FAM76B: variants seen among roughly 807,000 people sequenced by gnomAD.
FAM76B encodes the protein protein FAM76B.
Under a neutral mutation model 51.8 loss-of-function variants are expected in FAM76B, and 16 were observed. That is an observed-to-expected ratio of 0.31 (90% CI 0.21 to 0.47). The LOEUF is 0.47. Ranked by LOEUF, FAM76B falls within the 20% of genes least tolerant of loss-of-function variation. The pLI is 1.00. For missense variants in FAM76B, 342 were observed against 392.6 expected (o/e 0.87, Z 1.09); for synonymous variants, 166 against 129.5 (o/e 1.28, Z -1.91).
In FAM76B at chr11:95,789,775, G is replaced by A. The variant is rs117565813; in HGVS notation, c.-297C>T. On this transcript the variant is annotated 5_prime_UTR_variant, in exon 1 of 10. In the 5' UTR this introduces an upstream ATG that the reference lacks. Coordinates refer to ENST00000358780, the MANE Select transcript of FAM76B (RefSeq NM_144664.5). ...GGGGTTGCTGTTTAGCTGTGCGGCC[G>A]TGGATCCGCTTCCTTCTCGGCCTCC... The A allele has an allele frequency of 2.0e-5, 7 of 348,350 alleles. No homozygotes were observed. Among genetic ancestry groups the A allele is most frequent in the Non-Finnish European group, 3.6e-5 (7 of 193,508 alleles). The allele number at this position is 348,350 out of a possible 1,614,324, so 21.6% of individuals were successfully genotyped here.
rs1386992707 is a variant in FAM76B, at chr11:95,769,292, C to A, written c.*2269G>T. 6.6e-6 allele frequency: 1 copy of A among 152,132 alleles called. No homozygotes were observed. Among genetic ancestry groups the A allele is most frequent in the Non-Finnish European group, 1.5e-5 (1 of 67,798 alleles). 9.4% of individuals were successfully genotyped at this position (152,132 alleles called of 1,614,324 possible). On this transcript the variant is annotated 3_prime_UTR_variant, in exon 10 of 10. Coordinates refer to ENST00000358780, the MANE Select transcript of FAM76B (RefSeq NM_144664.5). ...TATTATGTCAAAACACTACAGAGAT[C>A]CAGGACTGGGACTGAATTACTAATT...
At chr11:95,787,871 T>C (rs558805003) in intron 2 of FAM76B, among the ~76,000 whole-genome samples, 193 bp from the exon 3 acceptor site, 11 of 152,334 alleles carry the variant, frequency 7.2e-5, no homozygotes, top group Middle Eastern at 3.4e-3. Flanking sequence ...TTTTATACAT[T>C]TTTATTGCAT....
At chr11:95,775,600 G>T (rs779239894) in intron 9 of FAM76B, among the ~76,000 whole-genome samples, 1 of 151,110 alleles carries the variant, frequency 6.6e-6, no homozygotes, top group African/African-American at 2.4e-5. Context: ...TTTCACCTTA[G>T]TTTCATTAAT....
At position 95,781,991 on chromosome 11, in the gene FAM76B, A is replaced by G. The variant is rs1033683245; in HGVS notation, c.563+1074T>C. ...TGAGGTGGGCATCAGTTGTTTGTAAATTCTGTTTTAAATAACTATCTGAAA... is the reference window on the plus strand; with the variant it reads ...TGAGGTGGGCATCAGTTGTTTGTAAGTTCTGTTTTAAATAACTATCTGAAA... On this transcript the variant is annotated intron_variant, in intron 5 of 9. Transcript: ENST00000358780. 3.3e-5 allele frequency among the ~76,000 whole-genome samples: 5 copies of G among 152,326 alleles called. No individual in the cohort carries two copies. The East Asian group carries it at 9.6e-4, about 29-fold the overall frequency.
At position 95,788,518 on chromosome 11, in the gene FAM76B, A is replaced by T. The variant is rs1860733521; in HGVS notation, c.133T>A (p.Ser45Thr). 3 of 1,612,906 alleles carry T rather than the reference A, an allele frequency of 1.9e-6. No individual in the cohort carries two copies. The highest frequency in any genetic ancestry group is 2.2e-5 in the South Asian group (2 of 91,076). Residue 45 changes from serine (S) to threonine (T), a missense_variant, in exon 2 of 10, where the codon TCA becomes ACA. Transcript: ENST00000358780. The part of the protein sequence containing the change: ...HPIVKCTYCR[S>T]EFQQESKTNT... ...ACAAACCTCTCTTGTTGAAATTCTG[A>T]TCTGCAGTAAGTACATTTTACAATA... is the stretch of plus-strand genomic sequence containing the variant.
intron 5 of FAM76B, among the ~76,000 whole-genome samples, chr11:95,781,748 A>G (rs992622414): frequency 1.8e-4 from 28 of 152,296 alleles, no homozygotes; most frequent in Admixed American, 1.4e-3. Flanking sequence ...ACTCTGATAT[A>G]AAGATCACAA....
At chr11:95,773,430 C>T (rs1162128864) in intron 9 of FAM76B, among the ~76,000 whole-genome samples, 1 of 135,028 alleles carries the variant, frequency 7.4e-6, no homozygotes, top group African/African-American at 2.7e-5. Flanking sequence ...ATTGTTTTAT[C>T]CTAAAATTAC....
intron 8 of FAM76B, among the ~76,000 whole-genome samples, chr11:95,778,589 G>C (rs1403332508): frequency 2.0e-5 from 3 of 151,422 alleles, no homozygotes. Context: ...GAAAATTAAA[G>C]TTTGGAAATT....
intron 4 of FAM76B, among the ~76,000 whole-genome samples, chr11:95,785,008 T>C (rs1298517576): frequency 6.6e-6 from 1 of 152,204 alleles, no homozygotes; most frequent in Non-Finnish European, 1.5e-5. Context: ...TATATTTCTC[T>C]TGGGCAATGC....
At chr11:95,787,441 C>T (rs1455282290) in intron 3 of FAM76B, among the ~76,000 whole-genome samples, 183 bp downstream of exon 3, 1 of 152,152 alleles carries the variant, frequency 6.6e-6, no homozygotes, top group Admixed American at 6.5e-5. Context: ...GGGGTTTCAC[C>T]GTGTTAGCCA....
chr11:95,772,071 T>C (rs930475951), intron 9 of FAM76B, among the ~76,000 whole-genome samples: 15 of 151,188 alleles, frequency 9.9e-5, no homozygotes, highest in African/African-American at 2.9e-4. Context: ...GAGTATTTCC[T>C]GGCAAGCTGT....
At chr11:95,776,670 T>C (rs1860025481) in intron 8 of FAM76B, among the ~76,000 whole-genome samples, 2 of 151,428 alleles carry the variant, frequency 1.3e-5, no homozygotes, top group Admixed American at 1.3e-4. Flanking sequence ...AATCAGTGCT[T>C]TGAGGAAGAA....
chr11:95,784,342 G>T (rs142594340), intron 4 of FAM76B, among the ~76,000 whole-genome samples: 145 of 152,058 alleles, frequency 9.5e-4, no homozygotes, highest in African/African-American at 3.4e-3. Context: ...TAGGTATTAG[G>T]GTTAATACCT....
chr11:95,780,676 C>G (rs922686899), intron 5 of FAM76B, among the ~76,000 whole-genome samples: 2 of 152,052 alleles, frequency 1.3e-5, no homozygotes, highest in Admixed American at 1.3e-4. Context: ...TAGAGAGCAT[C>G]TCCTATGAAC....
Position 95,789,722 on chromosome 11 carries a change from T to C in FAM76B, c.-244A>G, listed in dbSNP as rs909171170. On this transcript the variant is annotated 5_prime_UTR_variant, in exon 1 of 10. Transcript: ENST00000358780. ...CCAGCCGCTCCCGCTTAGGCCCCGATAGCGGCGGAGGGAGACGAAGCGGGT... is the reference window on the plus strand; with the variant it reads ...CCAGCCGCTCCCGCTTAGGCCCCGACAGCGGCGGAGGGAGACGAAGCGGGT... 1.5e-5 allele frequency: 7 copies of C among 478,024 alleles called. No individual in the cohort carries two copies. The highest frequency in any genetic ancestry group is 6.2e-5 in the African/African-American group (3 of 48,178). 29.6% of individuals were successfully genotyped at this position (478,024 alleles called of 1,614,324 possible).
At chr11:95,789,095 G>A (rs1054570387) in intron 1 of FAM76B, 7 of 1,396,386 alleles carry the variant, frequency 5.0e-6, no homozygotes, top group African/African-American at 1.4e-5. Flanking sequence ...GGGTCTCTGC[G>A]GCATAGACAG....
chr11:95,778,353 G>A (rs1860102260), intron 8 of FAM76B, among the ~76,000 whole-genome samples: 1 of 151,334 alleles, frequency 6.6e-6, no homozygotes, highest in Non-Finnish European at 1.5e-5. Context: ...GACATCTATT[G>A]CTAATTACTA....
intron 2 of FAM76B, among the ~76,000 whole-genome samples, chr11:95,788,272 G>A (rs544346130): frequency 1.3e-5 from 2 of 152,150 alleles, no homozygotes; most frequent in East Asian, 1.9e-4. Context: ...CATTTTCCAT[G>A]TAGTATTATT....
chr11:95,771,529 T>C lies in FAM76B; in HGVS notation c.*32A>G, dbSNP rs899074102. 8.9e-6 allele frequency: 14 copies of C among 1,565,188 alleles called. No homozygotes were observed. Among genetic ancestry groups the C allele is most frequent in the Admixed American group, 6.9e-5 (4 of 57,562 alleles). On this transcript the variant is annotated 3_prime_UTR_variant, in exon 10 of 10. Coordinates refer to ENST00000358780, the MANE Select transcript of FAM76B (RefSeq NM_144664.5). Reference sequence around the variant, plus strand: ...AGAATTTTTTTTCCCCAAATTTACATTGTAAGAAGAAATGCTAAACAAATG... The same window carrying C: ...AGAATTTTTTTTCCCCAAATTTACACTGTAAGAAGAAATGCTAAACAAATG...
Sources: allele counts gnomAD v4.1 joint callset (sites outside exome capture counted in the v4.1 genomes callset), GRCh38; gene constraint gnomAD v4.1.1; transcripts MANE v1.5; gene names NCBI Gene and HGNC (gene_info 2026-07-23, HGNC 2026-07-21).